Variants in PCNX2 observed in about 807,000 individuals in gnomAD.
PCNX2 encodes pecanex 2.
PCNX2 carries 168 observed loss-of-function variants against 223.8 expected under a neutral mutation model. The ratio of observed to expected loss-of-function variants is 0.75; its 90% CI spans 0.66 to 0.85. The LOEUF (loss-of-function observed/expected upper bound fraction) is 0.85, where lower values mean the gene tolerates loss of function less well. PCNX2 is among the 40% of genes least tolerant of loss of function. PCNX2 has a pLI of 0.00. For synonymous variants in PCNX2, 1,006 were observed against 1,052.6 expected, an observed-to-expected ratio of 0.96 and a Z score of 0.86; for missense variants, 2,507 against 2,675.5, an observed-to-expected ratio of 0.94 and a Z score of 1.39.
At chr1:233,160,204 A>T in intron 19 of PCNX2, 79 bp downstream of exon 19, 1 of 1,451,806 alleles carries the variant, frequency 6.9e-7, no homozygotes. Flanking sequence ...GTACATTCAG[A>T]CTGTTGCACA....
chr1:233,189,596 C>T (rs144098832), intron 15 of PCNX2, among the ~76,000 whole-genome samples: 68 of 152,262 alleles, frequency 4.5e-4, no homozygotes, highest in African/African-American at 1.6e-3. Flanking sequence ...GTTTGTTTTA[C>T]ATTTACAATT....
intron 14 of PCNX2, among the ~76,000 whole-genome samples, chr1:233,199,716 A>G (rs145900491): frequency 4.6e-5 from 7 of 152,192 alleles, no homozygotes; most frequent in Middle Eastern, 3.4e-3. Context: ...ATAGGTACAC[A>G]CACAATACAC....
intron 26 of PCNX2, among the ~76,000 whole-genome samples, chr1:233,017,561 C>G (rs1466512745): frequency 6.6e-6 from 1 of 152,022 alleles, no homozygotes; most frequent in African/African-American, 2.4e-5. Flanking sequence ...CGTGATCCGC[C>G]CGCCTTGGCC....
At chr1:233,092,592 T>C (rs1673925109) in intron 22 of PCNX2, among the ~76,000 whole-genome samples, 1 of 152,128 alleles carries the variant, frequency 6.6e-6, no homozygotes, top group Non-Finnish European at 1.5e-5. Flanking sequence ...TAAAGAATTA[T>C]AGCACACTCT....
intron 17 of PCNX2, among the ~76,000 whole-genome samples, chr1:233,170,918 G>C (rs551862475): frequency 6.6e-6 from 1 of 152,150 alleles, no homozygotes; most frequent in Admixed American, 6.5e-5. Context: ...TTAATGGTAC[G>C]GGCTGAGCAG....
intron 23 of PCNX2, among the ~76,000 whole-genome samples, chr1:233,064,024 T>C (rs1049825228): frequency 1.3e-5 from 2 of 152,138 alleles, no homozygotes; most frequent in South Asian, 2.1e-4. Flanking sequence ...TTTCTTCTTA[T>C]ACAACTTTTT....
intron 25 of PCNX2, among the ~76,000 whole-genome samples, chr1:233,030,526 T>C (rs1671225404): frequency 6.6e-6 from 1 of 152,236 alleles, no homozygotes; most frequent in Non-Finnish European, 1.5e-5. Context: ...GGACTTTTTG[T>C]CTTCCTTTTT....
intron 23 of PCNX2, among the ~76,000 whole-genome samples, chr1:233,065,172 C>T (rs558581145): frequency 7.9e-5 from 12 of 152,200 alleles, no homozygotes; most frequent in Non-Finnish European, 1.6e-4. Context: ...AAAATACACT[C>T]GGCAACCACA....
chr1:233,291,234 G>T, intron 1 of PCNX2: 1 of 351,220 alleles, frequency 2.8e-6, no homozygotes, highest in Non-Finnish European at 4.0e-6. Flanking sequence ...CCTATAAAAT[G>T]AAAGTGTTAT....
rs370953452 is a variant in PCNX2 at position 233,177,885 on chromosome 1, A to G, written c.3190T>C (p.Cys1064Arg). Residue 1064 changes from cysteine (C) to arginine (R), a missense_variant, in exon 17 of 34, where the codon TGC (cysteine) becomes CGC (arginine). Transcript: ENST00000258229. ...TGTAAAAATTTAGGAAACAGCCTGC[A>G]TTGGATGAAGGACCTGAAAGTGGAA... ...DPSVLMSFIQ[C>R]RLFPKFLHQN... 2.5e-6 allele frequency: 4 copies of G among 1,613,748 alleles called. No homozygotes were observed. The highest frequency in any genetic ancestry group is 3.4e-6 in the Non-Finnish European group (4 of 1,179,776).
chr1:233,203,976 T>C (rs1158537358), intron 13 of PCNX2, among the ~76,000 whole-genome samples: 1 of 152,244 alleles, frequency 6.6e-6, no homozygotes, highest in Non-Finnish European at 1.5e-5. Flanking sequence ...CACATGGACC[T>C]AATTCTTCTC....
At chr1:233,114,872 C>T (rs1284168120) in intron 21 of PCNX2, among the ~76,000 whole-genome samples, 1 of 152,126 alleles carries the variant, frequency 6.6e-6, no homozygotes, top group African/African-American at 2.4e-5. Flanking sequence ...AGGGAAGGGC[C>T]TACACTTTCA....
chr1:233,172,781 G>T (rs890428462), intron 17 of PCNX2, among the ~76,000 whole-genome samples: 15 of 152,148 alleles, frequency 9.9e-5, no homozygotes, highest in Non-Finnish European at 2.2e-4. Context: ...TTACATTCAG[G>T]AAGAGTTTTT....
chr1:232,994,856 C>T lies in PCNX2; in HGVS notation c.5791+3395G>A, dbSNP rs139750476. On this transcript the variant is annotated intron_variant, in intron 32 of 33. Transcript: ENST00000258229. The stretch of plus-strand genomic sequence containing the variant: ...TAAGATGTGTCTTTCTTCCCCTTCA[C>T]GTTCCACCATAATTGTAAGTTTCTT... Among the ~76,000 whole-genome samples the T allele has an allele frequency of 2.3e-3, 343 of 152,314 alleles. 1 individual carries two copies. The highest frequency in any genetic ancestry group is 7.7e-3 in the African/African-American group (318 of 41,562).
intron 25 of PCNX2, chr1:233,032,154 G>C: frequency 1.3e-6 from 1 of 768,666 alleles, no homozygotes; most frequent in East Asian, 1.3e-4. Context: ...CCAGGCTGGA[G>C]TGCAATGGCG....
chr1:233,159,329 A>C (rs1678326144), intron 19 of PCNX2, among the ~76,000 whole-genome samples: 1 of 152,136 alleles, frequency 6.6e-6, no homozygotes. Context: ...ATTTATTTTA[A>C]AAATTATTTT....
intron 27 of PCNX2, 136 bp from the exon 28 acceptor site, chr1:233,014,913 A>T (rs1670595891): frequency 1.6e-5 from 9 of 548,390 alleles, no homozygotes; most frequent in Middle Eastern, 9.9e-4. Flanking sequence ...GACCCCACAG[A>T]CAGGGAATGC....
intron 5 of PCNX2, among the ~76,000 whole-genome samples, chr1:233,255,665 G>C (rs1284205615): frequency 6.6e-6 from 1 of 152,192 alleles, no homozygotes; most frequent in African/African-American, 2.4e-5. Context: ...TTTGTGAAGA[G>C]AACCTGGGCT....
chr1:232,986,363 G>A lies in PCNX2; in HGVS notation c.5969C>T (p.Ser1990Leu), dbSNP rs1332637961. The change falls in exon 33 of 34, where the codon TCG (serine) becomes TTG (leucine). Residue 1990 changes from serine (S) to leucine (L), a missense_variant. Physicochemically the swap from Ser to Leu is moderately radical, Grantham distance 145. Coordinates refer to ENST00000258229, the MANE Select transcript of PCNX2 (RefSeq NM_014801.4). ...LSGSRLSLHA[S>L]ATSLHSQPPP... is the part of the protein sequence containing the mutation. ...GGGCTGAGAGTGCAGGGACGTGGCC[G>A]AGGCGTGCAAGGAGAGCCGGCTGCC... 12 of 1,601,900 alleles carry A rather than the reference G, an allele frequency of 7.5e-6. No individual in the cohort carries two copies. Among genetic ancestry groups the A allele is most frequent in the African/African-American group, 4.0e-5 (3 of 74,736 alleles).
Sources: allele counts gnomAD v4.1 joint callset (sites outside exome capture counted in the v4.1 genomes callset), GRCh38; gene constraint gnomAD v4.1.1; transcripts MANE v1.5; gene names NCBI Gene and HGNC (gene_info 2026-07-23, HGNC 2026-07-21).